Variants in SNTG1 observed in about 807,000 individuals in gnomAD.
SNTG1 encodes gamma-1-syntrophin.
Under a neutral mutation model 74.7 loss-of-function variants are expected in SNTG1, and 39 were observed. The ratio of observed to expected loss-of-function variants is 0.52; its 90% CI spans 0.40 to 0.68. SNTG1 has a LOEUF of 0.68. Among genes scored for constraint, SNTG1 ranks in the 30% least tolerant of loss-of-function variants. SNTG1 has a pLI of 0.00. For missense variants in SNTG1, 685 were observed against 609.5 expected (o/e 1.12, Z -1.30); for synonymous variants, 254 against 217.1 (o/e 1.17, Z -1.49).
intron 17 of SNTG1, among the ~76,000 whole-genome samples, chr8:50,744,786 T>G (rs2095551455): frequency 1.3e-5 from 2 of 151,898 alleles, no homozygotes; most frequent in African/African-American, 2.4e-5. Flanking sequence ...GCCAAGACCA[T>G]CCAATGAGGA....
intron 2 of SNTG1, among the ~76,000 whole-genome samples, chr8:50,328,963 A>G (rs2090857527): frequency 1.3e-5 from 2 of 152,244 alleles, no homozygotes; most frequent in South Asian, 4.1e-4. Context: ...GGGTGTAAGC[A>G]TTGGATAAAT....
chr8:50,776,207 T>C (rs902154472), intron 18 of SNTG1, among the ~76,000 whole-genome samples: 23 of 150,982 alleles, frequency 1.5e-4, no homozygotes, highest in African/African-American at 4.1e-4. Flanking sequence ...TTTGAATATA[T>C]GCTTTTAGAA....
At chr8:50,022,855 A>G (rs1287724900) in intron 1 of SNTG1, among the ~76,000 whole-genome samples, 1 of 152,162 alleles carries the variant, frequency 6.6e-6, no homozygotes. Context: ...CTCATACAGT[A>G]CACATGTTGG....
intron 2 of SNTG1, among the ~76,000 whole-genome samples, chr8:50,250,914 C>T (rs1355117797): frequency 1.3e-5 from 2 of 152,000 alleles, no homozygotes; most frequent in African/African-American, 4.8e-5. Context: ...TAGGTAAATG[C>T]ATAACCATAC....
chr8:50,631,886 C>CT (rs1210960403), intron 13 of SNTG1, among the ~76,000 whole-genome samples: 4 of 152,222 alleles, frequency 2.6e-5, no homozygotes, highest in Admixed American at 1.3e-4. Context: ...GAATACCCTT[C>CT]TTACCCATTT....
intron 1 of SNTG1, among the ~76,000 whole-genome samples, chr8:50,138,139 C>T (rs770505185): frequency 2.6e-4 from 40 of 152,088 alleles, no homozygotes; most frequent in Non-Finnish European, 4.7e-4. Context: ...TTAAAAATGA[C>T]ATTAGTGTGA....
intron 1 of SNTG1, among the ~76,000 whole-genome samples, chr8:49,956,723 G>T (rs1459406701): frequency 1.3e-5 from 2 of 151,608 alleles, no homozygotes; most frequent in Non-Finnish European, 2.9e-5. Flanking sequence ...GAAAGGATCA[G>T]ACAGACATAT....
chr8:49,916,545 G>A (rs1426766372), intron 1 of SNTG1, among the ~76,000 whole-genome samples: 2 of 152,118 alleles, frequency 1.3e-5, no homozygotes, highest in African/African-American at 4.8e-5. Context: ...AAATTGTGAA[G>A]TAATTATATG....
chr8:50,225,026 A>G (rs2085256398), intron 2 of SNTG1, among the ~76,000 whole-genome samples: 1 of 151,918 alleles, frequency 6.6e-6, no homozygotes, highest in Admixed American at 6.6e-5. Context: ...GCTGGAGTGC[A>G]GTGGCGTGAT....
chr8:50,446,096 T>C (rs1345033560), intron 5 of SNTG1, among the ~76,000 whole-genome samples: 2 of 152,156 alleles, frequency 1.3e-5, no homozygotes, highest in Non-Finnish European at 2.9e-5. Flanking sequence ...TTAAAGGTTC[T>C]CATTATTATT....
At chr8:50,405,265 A>G (rs1282574657) in intron 4 of SNTG1, among the ~76,000 whole-genome samples, 2 of 152,090 alleles carry the variant, frequency 1.3e-5, no homozygotes, top group Non-Finnish European at 2.9e-5. Flanking sequence ...CCATTTCAAC[A>G]AGCAAAATAC....
intron 12 of SNTG1, among the ~76,000 whole-genome samples, chr8:50,584,600 C>T (rs2094635296): frequency 6.6e-6 from 1 of 150,880 alleles, no homozygotes; most frequent in African/African-American, 2.4e-5. Context: ...TGAGAGAGTC[C>T]ACACTAGCTC....
intron 1 of SNTG1, among the ~76,000 whole-genome samples, chr8:50,007,027 T>C (rs1168790624): frequency 6.6e-6 from 1 of 152,030 alleles, no homozygotes; most frequent in East Asian, 1.9e-4. Context: ...CTGTCTCTGG[T>C]AAATGGAATC....
chr8:49,989,825 C>T (rs75615402), intron 1 of SNTG1, among the ~76,000 whole-genome samples: 1 of 151,632 alleles, frequency 6.6e-6, no homozygotes, highest in Non-Finnish European at 1.5e-5. Context: ...TATATTGATA[C>T]AGTAATAAAG....
chr8:50,607,426 G>T (rs2094820677), intron 13 of SNTG1, among the ~76,000 whole-genome samples: 1 of 151,244 alleles, frequency 6.6e-6, no homozygotes, highest in African/African-American at 2.4e-5. Context: ...ATTTATTTTT[G>T]AGTAAGCTTT....
At chr8:50,090,104 A>G (rs1017719369) in intron 1 of SNTG1, among the ~76,000 whole-genome samples, 13 of 152,238 alleles carry the variant, frequency 8.5e-5, no homozygotes, top group Non-Finnish European at 1.9e-4. Context: ...CAAATAAATT[A>G]AGTAAACATC....
intron 1 of SNTG1, among the ~76,000 whole-genome samples, chr8:50,006,624 A>T (rs1295181146): frequency 6.6e-6 from 1 of 152,150 alleles, no homozygotes; most frequent in Non-Finnish European, 1.5e-5. Context: ...GTCTGGCTCT[A>T]TTAGCTGTCT....
At chr8:50,790,366 T>C (rs892775275) in intron 18 of SNTG1, among the ~76,000 whole-genome samples, 2 of 151,956 alleles carry the variant, frequency 1.3e-5, no homozygotes, top group Admixed American at 6.6e-5. Flanking sequence ...TTTTTGAAGA[T>C]AGCTTATATT....
intron 2 of SNTG1, among the ~76,000 whole-genome samples, chr8:50,365,453 A>T (rs1421431231): frequency 6.6e-6 from 1 of 152,122 alleles, no homozygotes; most frequent in African/African-American, 2.4e-5. Flanking sequence ...ATATATATAC[A>T]TTGACTATAT....
Sources: gnomAD v4.1 joint callset for allele counts (sites outside exome capture counted in the v4.1 genomes callset) on GRCh38, gnomAD v4.1.1 for gene constraint, MANE v1.5 for transcripts, NCBI Gene and HGNC (gene_info 2026-07-23, HGNC 2026-07-21) for gene names.